Variants in SURF6 observed in about 807,000 individuals in gnomAD.
The protein encoded by SURF6 is surfeit 6, also known as surfeit locus protein 6.
SURF6 carries 28 observed loss-of-function variants against 37.5 expected under a neutral mutation model. That is an observed-to-expected ratio of 0.75 (90% confidence interval 0.55 to 1.02). The LOEUF (loss-of-function observed/expected upper bound fraction) is 1.02, where lower values mean the gene tolerates loss of function less well. Ranked by LOEUF, SURF6 falls within the 50% of genes least tolerant of loss-of-function variation. The pLI is 0.00. For missense variants in SURF6, 560 were observed against 490.5 expected (o/e 1.14, Z -1.34); for synonymous variants, 248 against 210.9 (o/e 1.18, Z -1.52).
intron 1 of SURF6, 47 bp downstream of exon 1, chr9:133,335,992 C>T: frequency 1.3e-6 from 2 of 1,538,252 alleles, no homozygotes; most frequent in Non-Finnish European, 1.8e-6. Context: ...CCGGCCGCGT[C>T]CCCCGTTTCG....
Position 133,328,791 on chromosome 9 carries a change from G to C in SURF6, c.*3078C>G, listed in dbSNP as rs1303196288. On this transcript the variant is annotated 3_prime_UTR_variant, in exon 5 of 5. Transcript: ENST00000372022. ...TCCAGTGTGGCACTTTGCTAAACTT[G>C]GTTTATTATTGTCTAAAATCTTGAC... 1 of 152,144 alleles carries C rather than the reference G, an allele frequency of 6.6e-6. No homozygotes were observed. Among genetic ancestry groups the C allele is most frequent in the African/African-American group, 2.4e-5 (1 of 41,420 alleles). The allele number at this position is 152,144 out of a possible 1,614,324, so 9.4% of individuals were successfully genotyped here.
chr9:133,336,182 G>T lies in SURF6; in HGVS notation c.-50C>A. 1 of 1,515,760 alleles carries T rather than the reference G, an allele frequency of 6.6e-7. No individual in the cohort carries two copies. Among genetic ancestry groups the T allele is most frequent in the South Asian group, 1.1e-5 (1 of 87,570 alleles). The allele number at this position is 1,515,760 out of a possible 1,614,324, so 93.9% of individuals were successfully genotyped here. The stretch of plus-strand genomic sequence containing the variant: ...CTCACACCTTCCCCGCTGCGCGTGC[G>T]ACTCTCACCACCTCCGCCGGAAACC... On this transcript the variant is annotated 5_prime_UTR_variant, in exon 1 of 5. Coordinates refer to ENST00000372022, the MANE Select transcript of SURF6 (RefSeq NM_006753.6).
At position 133,333,810 on chromosome 9, in the gene SURF6, C is replaced by G; in HGVS notation, c.305-4G>C. 6.2e-7 allele frequency: 1 copy of G among 1,613,048 alleles called. No individual in the cohort carries two copies. The highest frequency in any genetic ancestry group is 8.5e-7 in the Non-Finnish European group (1 of 1,179,504). ...TCAGGCTCAGTGGCCAGGCCATCTGCAGGGAAGGAGACAGGACTGCAGGGG... is the reference window on the plus strand; with the variant it reads ...TCAGGCTCAGTGGCCAGGCCATCTGGAGGGAAGGAGACAGGACTGCAGGGG... On this transcript the variant is annotated splice_polypyrimidine_tract_variant and splice_region_variant and intron_variant, in intron 2 of 4. Transcript: ENST00000372022.
chr9:133,329,364 G>T lies in SURF6; in HGVS notation c.*2505C>A. On this transcript the variant is annotated 3_prime_UTR_variant, in exon 5 of 5. Transcript: ENST00000372022. ...GATGTCAGGCCCTCCACAAGAGGTG[G>T]AAGAGCAGAGTCTTCTCTAAACTCC... 5.0e-6 allele frequency: 1 copy of T among 200,558 alleles called. No individual in the cohort carries two copies. Among genetic ancestry groups the T allele is most frequent in the Non-Finnish European group, 1.0e-5 (1 of 98,204 alleles). The allele number at this position is 200,558 out of a possible 1,614,324, so 12.4% of individuals were successfully genotyped here. A position where few individuals can be genotyped will look rare whatever the true frequency, so the allele number is the denominator to read the frequency against.
Position 133,332,512 on chromosome 9 carries a change from CGACCCAGCCCGCCCAAG to C in SURF6, c.606+19_606+35del, listed in dbSNP as rs2129918705. On this transcript the variant is annotated intron_variant, in intron 4 of 4. Coordinates refer to ENST00000372022, the MANE Select transcript of SURF6 (RefSeq NM_006753.6). ...AAGGGGCAACGCTGAGGCCTGAAGC[CGACCCAGCCCGCCCAAG>C]GACCCAGCTCCCGCTCACCTTATTG... The C allele has an allele frequency of 1.9e-6, 3 of 1,596,970 alleles. No individual in the cohort carries two copies. The South Asian group carries it at 3.3e-5, about 18-fold the overall frequency.
intron 4 of SURF6, 50 bp from the exon 5 acceptor site, chr9:133,332,398 A>T (rs2129918210): frequency 1.3e-6 from 2 of 1,536,298 alleles, no homozygotes; most frequent in African/African-American, 2.7e-5. Flanking sequence ...ACTAGGCCCC[A>T]GCCTTGGCCA....
rs2129919030 is a variant in SURF6, at chr9:133,332,561, A to G, written c.593T>C (p.Leu198Pro). The part of the protein sequence containing the change: ...ACTEPREPPG[L>P]IFNKVEVSED... ...GCTCCCGCTCACCTTATTGAAGATC[A>G]GCCCGGGCGGCTCCCGCGGCTCCGT... Residue 198 changes from leucine to proline, a missense_variant, in exon 4 of 5, where the codon CTG (leucine) becomes CCG (proline). Coordinates refer to ENST00000372022, the MANE Select transcript of SURF6 (RefSeq NM_006753.6). 3.8e-5 allele frequency: 61 copies of G among 1,608,594 alleles called. No homozygotes were observed. The highest frequency in any genetic ancestry group is 6.7e-5 in the African/African-American group (5 of 74,926).
rs1320434 is a variant in SURF6 at position 133,334,392 on chromosome 9, C to T, written c.304G>A (p.Asp102Asn). The change falls in exon 2 of 5, where the codon GAT becomes AAT. Residue 102 changes from aspartate (D) to asparagine (N), a missense_variant and splice_region_variant. Physicochemically the swap from Asp to Asn is conservative, Grantham distance 23. Transcript: ENST00000372022. ...ACCAACATGCCCTGAAGCCTCTCAC[C>T]TGCAGGGTTCCCTGCTGAGCTGGAA... ...WASSSAGNPA[D>N]GLATEPESVF... is the part of the protein sequence containing the mutation. 6.2e-7 allele frequency: 1 copy of T among 1,612,088 alleles called. No individual in the cohort carries two copies. Among genetic ancestry groups the T allele is most frequent in the Admixed American group, 1.7e-5 (1 of 59,812 alleles).
intron 1 of SURF6, among the ~76,000 whole-genome samples, 165 bp downstream of exon 1, chr9:133,335,874 T>A (rs1056105563): frequency 2.0e-5 from 3 of 151,872 alleles, no homozygotes; most frequent in Admixed American, 6.6e-5. Flanking sequence ...AGACTCCGTC[T>A]CCAAAAACAA....
chr9:133,332,816 C>T, intron 3 of SURF6, 56 bp from the exon 4 acceptor site: 1 of 1,562,658 alleles, frequency 6.4e-7, no homozygotes, highest in South Asian at 1.1e-5. Flanking sequence ...GGTCCCCCAG[C>T]CTGGCCCATA....
In SURF6 at chr9:133,331,623, T is replaced by C. The variant is rs1835728522; in HGVS notation, c.*246A>G. On this transcript the variant is annotated 3_prime_UTR_variant, in exon 5 of 5. Transcript: ENST00000372022. ...CCCGGGAAAGCAGACCAGGCCCCAG[T>C]CTCCCTCACCCTTTCCCTGGGTCTG... 2.2e-6 allele frequency: 1 copy of C among 456,738 alleles called. No homozygotes were observed. The allele number at this position is 456,738 out of a possible 1,614,324, so 28.3% of individuals were successfully genotyped here. A position where few individuals can be genotyped will look rare whatever the true frequency, so the allele number is the denominator to read the frequency against.
Position 133,329,324 on chromosome 9 carries a change from C to T in SURF6, c.*2545G>A, listed in dbSNP as rs2129902046. The T allele has an allele frequency of 3.9e-5, 7 of 177,384 alleles. No individual in the cohort carries two copies. In the East Asian group the frequency reaches 8.5e-4, roughly 21 times the overall value. The allele number at this position is 177,384 out of a possible 1,614,324, so 11.0% of individuals were successfully genotyped here. A position where few individuals can be genotyped will look rare whatever the true frequency, so the allele number is the denominator to read the frequency against. On this transcript the variant is annotated 3_prime_UTR_variant, in exon 5 of 5. Coordinates refer to ENST00000372022, the MANE Select transcript of SURF6 (RefSeq NM_006753.6). Reference sequence around the variant, plus strand: ...AGACGGTTAGGCCTCCAGATAACTGCGGGCAGGCCTGCCGGATGTCAGGCC... The same window carrying T: ...AGACGGTTAGGCCTCCAGATAACTGTGGGCAGGCCTGCCGGATGTCAGGCC...
At chr9:133,334,718 G>T in intron 1 of SURF6, 117 bp from the exon 2 acceptor site, 1 of 1,229,902 alleles carries the variant, frequency 8.1e-7, no homozygotes, top group Non-Finnish European at 1.1e-6. Flanking sequence ...AGGATCGGGG[G>T]CCAGAGACAC....
chr9:133,333,758 C>A lies in SURF6; in HGVS notation c.353G>T (p.Arg118Leu), dbSNP rs151083423. Reference protein sequence around the residue: ...PESVFALDVLRQRLHEKIQEA... With the variant: ...PESVFALDVLLQRLHEKIQEA... ...CTGGATCTTCTCATGCAGTCGCTGT[C>A]GCAGAACATCCAGAGCAAAGACAGA... The change falls in exon 3 of 5, where the codon CGA becomes CTA. Residue 118 changes from arginine to leucine, a missense_variant. Physicochemically the swap from Arg to Leu is moderately radical, Grantham distance 102. Transcript: ENST00000372022. The A allele has an allele frequency of 6.2e-7, 1 of 1,613,900 alleles. No individual in the cohort carries two copies. Among genetic ancestry groups the A allele is most frequent in the Non-Finnish European group, 8.5e-7 (1 of 1,179,936 alleles).
chr9:133,335,809 G>C (rs1008863577), intron 1 of SURF6, among the ~76,000 whole-genome samples: 1 of 152,166 alleles, frequency 6.6e-6, no homozygotes, highest in African/African-American at 2.4e-5. Flanking sequence ...CCGGGAGACG[G>C]AGCTTGCAGT....
rs1385298872 is a variant in SURF6, at chr9:133,334,491, A to G, written c.205T>C (p.Ser69Pro). The G allele has an allele frequency of 1.2e-6, 2 of 1,613,928 alleles. No individual in the cohort carries two copies. Among genetic ancestry groups the G allele is most frequent in the African/African-American group, 2.7e-5 (2 of 74,900 alleles). ...EEKAAEHKAK[S>P]LGEKSPAASG... ...GCTGCTGGAGATTTCTCCCCCAAGGACTTGGCCTTGTGCTCAGCAGCCTTC... is the reference window on the plus strand; with the variant it reads ...GCTGCTGGAGATTTCTCCCCCAAGGGCTTGGCCTTGTGCTCAGCAGCCTTC... The change falls in exon 2 of 5, where the codon TCC becomes CCC. Residue 69 changes from serine (S) to proline (P), a missense_variant. Ser to Pro is a moderately conservative substitution (Grantham distance 74). Transcript: ENST00000372022.
rs2129921844 is a variant in SURF6 at position 133,332,882 on chromosome 9, G to A, written c.394-122C>T. On this transcript the variant is annotated intron_variant, in intron 3 of 4. Transcript: ENST00000372022. The stretch of plus-strand genomic sequence containing the variant: ...GAGAAAATCCTCACGCAAACAAGGG[G>A]CCCGCGGAGTTCAATGTTCCACCAT... 3.2e-4 allele frequency: 297 copies of A among 926,220 alleles called. No homozygotes were observed. The Middle Eastern group carries it at 4.8e-3, about 15-fold the overall frequency. The allele number at this position is 926,220 out of a possible 1,614,324, so 57.4% of individuals were successfully genotyped here.
intron 1 of SURF6, 29 bp from the exon 2 acceptor site, chr9:133,334,630 T>C (rs781860604): frequency 6.2e-7 from 1 of 1,600,088 alleles, no homozygotes. Context: ...AAGAGTTAAG[T>C]CCCAATCTCA....
chr9:133,335,334 A>T (rs2129930756), intron 1 of SURF6, among the ~76,000 whole-genome samples: 13 of 151,246 alleles, frequency 8.6e-5, no homozygotes, highest in East Asian at 7.7e-4. Context: ...AAAAAAAAAA[A>T]TTTCAAAAAG....
Sources: allele counts gnomAD v4.1 joint callset (sites outside exome capture counted in the v4.1 genomes callset), GRCh38; gene constraint gnomAD v4.1.1; transcripts MANE v1.5; gene names NCBI Gene and HGNC (gene_info 2026-07-23, HGNC 2026-07-21).